Variants in FBXO38 observed in about 807,000 individuals in gnomAD.
The protein encoded by FBXO38 is F-box protein 38.
Under a neutral mutation model 131.9 loss-of-function variants are expected in FBXO38, and 53 were observed. That is an observed-to-expected ratio of 0.40 (90% confidence interval 0.32 to 0.51). The LOEUF (loss-of-function observed/expected upper bound fraction) is 0.51, where lower values mean the gene tolerates loss of function less well. FBXO38 is among the 20% of genes least tolerant of loss of function. The pLI, the probability that FBXO38 is intolerant of heterozygous loss-of-function variation, is 0.53. For missense variants in FBXO38, 1,076 were observed against 1,475.6 expected (o/e 0.73, Z 4.44); for synonymous variants, 452 against 505.6 (o/e 0.89, Z 1.42).
At position 148,438,401 on chromosome 5, in the gene FBXO38, C is replaced by T. The variant is rs1754472813; in HGVS notation, c.2927C>T (p.Ala976Val). 1 of 1,613,946 alleles carries T rather than the reference C, an allele frequency of 6.2e-7. No homozygotes were observed. Among genetic ancestry groups the T allele is most frequent in the Non-Finnish European group, 8.5e-7 (1 of 1,179,834 alleles). The change falls in exon 18 of 22, where the codon GCA (alanine) becomes GTA (valine). Residue 976 changes from alanine (A) to valine (V), a missense_variant. Ala to Val is a moderately conservative substitution (Grantham distance 64). Transcript: ENST00000340253. ...NAPIVNRFDY[A>V]QCKKLNMDQV... ...CCAATTGTAAACCGATTTGACTATGCACAGTGCAAGAAACTGAACATGGAT... is the reference window on the plus strand; with the variant it reads ...CCAATTGTAAACCGATTTGACTATGTACAGTGCAAGAAACTGAACATGGAT...
At chr5:148,401,694 G>A (rs1752159650) in intron 3 of FBXO38, among the ~76,000 whole-genome samples, 1 of 152,140 alleles carries the variant, frequency 6.6e-6, no homozygotes. Context: ...TGGGTTAAAA[G>A]TGTGTTCTTT....
At chr5:148,415,324 A>T (rs1487968318) in intron 10 of FBXO38, 1 of 152,238 alleles carries the variant, frequency 6.6e-6, no homozygotes, top group Non-Finnish European at 1.5e-5. Flanking sequence ...TAAGTAATAC[A>T]TGCACTTGAT....
chr5:148,442,286 T>C lies in FBXO38; in HGVS notation c.*139T>C. Reference sequence around the variant, plus strand: ...CTATATAGGGAATATATAAGGAACATCGAAATTGTATACAAAGATTTGTAC... The same window carrying C: ...CTATATAGGGAATATATAAGGAACACCGAAATTGTATACAAAGATTTGTAC... On this transcript the variant is annotated 3_prime_UTR_variant, in exon 22 of 22. Transcript: ENST00000340253. 1.0e-5 allele frequency: 6 copies of C among 572,374 alleles called. No individual in the cohort carries two copies. The highest frequency in any genetic ancestry group is 3.0e-6 in the Non-Finnish European group (1 of 336,386). The allele number at this position is 572,374 out of a possible 1,614,324, so 35.5% of individuals were successfully genotyped here.
At chr5:148,440,344 A>G in intron 19 of FBXO38, 80 bp from the exon 20 acceptor site, 1 of 835,984 alleles carries the variant, frequency 1.2e-6, no homozygotes, top group Non-Finnish European at 2.0e-6. Context: ...TGTCCGAAAC[A>G]GTTTTGATGG....
intron 17 of FBXO38, among the ~76,000 whole-genome samples, chr5:148,436,656 A>G (rs1425893008): frequency 5.3e-5 from 8 of 152,174 alleles, no homozygotes; most frequent in Non-Finnish European, 1.2e-4. Flanking sequence ...ATTAAAAGGT[A>G]TTTACCAAAC....
At chr5:148,395,015 T>G (rs1424958552) in intron 2 of FBXO38, 111 bp downstream of exon 2, 2 of 1,134,242 alleles carry the variant, frequency 1.8e-6, no homozygotes, top group Admixed American at 6.0e-5. Flanking sequence ...ACATTTCAAT[T>G]AAGTAAAAAT....
intron 13 of FBXO38, among the ~76,000 whole-genome samples, chr5:148,424,525 G>C (rs186007460): frequency 2.6e-5 from 4 of 152,194 alleles, no homozygotes; most frequent in Admixed American, 2.6e-4. Flanking sequence ...CCTAGCGTCT[G>C]TTTGCCATTG....
At chr5:148,387,092 A>G (rs1465963859) in intron 1 of FBXO38, among the ~76,000 whole-genome samples, 1 of 152,116 alleles carries the variant, frequency 6.6e-6, no homozygotes, top group African/African-American at 2.4e-5. Flanking sequence ...TCTTCCTTCT[A>G]GGAAATATTT....
intron 13 of FBXO38, 107 bp downstream of exon 13, chr5:148,424,224 A>G (rs2113617080): frequency 1.9e-6 from 2 of 1,071,336 alleles, no homozygotes; most frequent in South Asian, 1.5e-5. Context: ...TCAGCTAATG[A>G]TACGTTTTAT....
Position 148,406,239 on chromosome 5 carries a change from A to ATTT in FBXO38, c.731-7_731-5dup. 1.2e-5 allele frequency: 15 copies of ATTT among 1,214,404 alleles called. No individual in the cohort carries two copies. Among genetic ancestry groups the ATTT allele is most frequent in the Admixed American group, 7.6e-5 (3 of 39,526 alleles). The allele number at this position is 1,214,404 out of a possible 1,614,324, so 75.2% of individuals were successfully genotyped here. On this transcript the variant is annotated splice_polypyrimidine_tract_variant and intron_variant, in intron 6 of 21. Coordinates refer to ENST00000340253, the MANE Select transcript of FBXO38 (RefSeq NM_205836.3). ...GGCACTTTACATTGTTCTATCAAAG[A>ATTT]TTTTTTTTTTTTTCCAGGACCCACA...
At chr5:148,436,153 A>C (rs1211679374) in intron 17 of FBXO38, among the ~76,000 whole-genome samples, 1 of 152,228 alleles carries the variant, frequency 6.6e-6, no homozygotes, top group African/African-American at 2.4e-5. Context: ...GCACCAGTAG[A>C]TGCTCAATTC....
chr5:148,415,504 T>C (rs1753000912), intron 10 of FBXO38: 1 of 179,814 alleles, frequency 5.6e-6, no homozygotes, highest in African/African-American at 2.4e-5. Flanking sequence ...TTACTCTGTA[T>C]ACACTGTCCT....
At chr5:148,413,105 G>A (rs1752852137) in intron 9 of FBXO38, 1 of 152,016 alleles carries the variant, frequency 6.6e-6, no homozygotes, top group Admixed American at 6.6e-5. Flanking sequence ...CTAAGAGCAG[G>A]GAAATGATCC....
intron 10 of FBXO38, 64 bp downstream of exon 10, chr5:148,414,370 T>G (rs1309460770): frequency 1.5e-6 from 2 of 1,321,894 alleles, no homozygotes; most frequent in Non-Finnish European, 2.1e-6. Context: ...CTTTCCATGT[T>G]TTCTATGTGT....
intron 12 of FBXO38, among the ~76,000 whole-genome samples, chr5:148,421,946 T>C (rs1319141474): frequency 6.6e-6 from 1 of 152,222 alleles, no homozygotes; most frequent in Non-Finnish European, 1.5e-5. Flanking sequence ...CTCCAAGACG[T>C]TGAGTCATTT....
intron 3 of FBXO38, 123 bp downstream of exon 3, chr5:148,399,255 T>G: frequency 9.2e-7 from 1 of 1,091,494 alleles, no homozygotes; most frequent in Non-Finnish European, 1.3e-6. Context: ...GCTGGCAAGA[T>G]TTTGTCTAAA....
At chr5:148,415,147 T>G (rs1388004267) in intron 10 of FBXO38, among the ~76,000 whole-genome samples, 1 of 152,162 alleles carries the variant, frequency 6.6e-6, no homozygotes, top group East Asian at 1.9e-4. Context: ...AAGAAGTTAT[T>G]GGGAAATATG....
chr5:148,415,073 C>G (rs1752973625), intron 10 of FBXO38, among the ~76,000 whole-genome samples: 1 of 152,052 alleles, frequency 6.6e-6, no homozygotes, highest in Admixed American at 6.6e-5. Flanking sequence ...TGAGATCACT[C>G]GTTAATATAG....
intron 13 of FBXO38, 50 bp downstream of exon 13, chr5:148,424,167 C>T (rs1753592734): frequency 6.4e-7 from 1 of 1,573,776 alleles, no homozygotes; most frequent in Non-Finnish European, 8.6e-7. Flanking sequence ...TACGGCCTAA[C>T]TGTAATGAAG....
Sources: allele counts gnomAD v4.1 joint callset (sites outside exome capture counted in the v4.1 genomes callset), GRCh38; gene constraint gnomAD v4.1.1; transcripts MANE v1.5; gene names NCBI Gene and HGNC (gene_info 2026-07-23, HGNC 2026-07-21).